The following ASIP variants were observed in gnomAD, a reference collection of about 807,000 sequenced individuals.
ASIP encodes agouti-signaling protein.
In ASIP, 11 loss-of-function variants were observed where a neutral mutation model predicts 10.3. That is an observed-to-expected ratio of 1.07 (90% CI 0.68 to 1.78). The LOEUF (loss-of-function observed/expected upper bound fraction) is 1.78, where lower values mean the gene tolerates loss of function less well. ASIP is among the 40% of genes most tolerant of loss of function. The pLI is 0.00. For missense variants in ASIP, 180 were observed against 169.2 expected (o/e 1.06, Z -0.35); for synonymous variants, 70 against 70.8 (o/e 0.99, Z 0.06).
chr20:34,225,679 G>C (rs780577965), intron 1 of ASIP, among the ~76,000 whole-genome samples: 23 of 151,960 alleles, frequency 1.5e-4, no homozygotes, highest in Non-Finnish European at 3.2e-4. Flanking sequence ...TTCTCTCTCC[G>C]CTGATTCATG....
intron 1 of ASIP, among the ~76,000 whole-genome samples, chr20:34,220,353 T>A (rs1363128053): frequency 6.6e-6 from 1 of 151,908 alleles, no homozygotes; most frequent in Non-Finnish European, 1.5e-5. Context: ...TCCCAACACT[T>A]TGGGAGGCTG....
chr20:34,210,045 T>G (rs2034963938), intron 1 of ASIP, among the ~76,000 whole-genome samples: 2 of 152,126 alleles, frequency 1.3e-5, no homozygotes, highest in Admixed American at 1.3e-4. Flanking sequence ...AGCTGCCCAC[T>G]CCAGGGCCTC....
chr20:34,207,254 G>A (rs1331920107), intron 1 of ASIP, among the ~76,000 whole-genome samples: 1 of 152,212 alleles, frequency 6.6e-6, no homozygotes, highest in African/African-American at 2.4e-5. Flanking sequence ...AACTGGAGAT[G>A]AGATGAAATC....
chr20:34,226,672 T>C (rs1013627291), intron 1 of ASIP, among the ~76,000 whole-genome samples: 1 of 152,092 alleles, frequency 6.6e-6, no homozygotes. Flanking sequence ...TAAAAAGTCT[T>C]AACAAACTAA....
intron 1 of ASIP, among the ~76,000 whole-genome samples, chr20:34,217,594 C>T (rs900580240): frequency 6.6e-5 from 10 of 151,956 alleles, no homozygotes; most frequent in Non-Finnish European, 7.4e-5. Flanking sequence ...CGGAGTCTCG[C>T]TTTGTTGCCC....
intron 1 of ASIP, among the ~76,000 whole-genome samples, chr20:34,205,136 A>G (rs1289938985): frequency 2.0e-5 from 3 of 152,230 alleles, no homozygotes; most frequent in Admixed American, 1.3e-4. Context: ...TGAGTGTTAC[A>G]GTTCTTAAAG....
At chr20:34,217,723 G>A (rs1035231062) in intron 1 of ASIP, among the ~76,000 whole-genome samples, 7 of 152,042 alleles carry the variant, frequency 4.6e-5, no homozygotes, top group Non-Finnish European at 7.4e-5. Context: ...CACCACGCCC[G>A]GCTAATTTTT....
chr20:34,254,958 C>T (rs1023219337), intron 1 of ASIP, among the ~76,000 whole-genome samples: 6 of 152,138 alleles, frequency 3.9e-5, no homozygotes, highest in Admixed American at 1.3e-4. Context: ...ACTGTTTTGC[C>T]GGGGGTTGGT....
chr20:34,264,938 GGT>G (rs2035759355), intron 3 of ASIP, among the ~76,000 whole-genome samples: 1 of 151,818 alleles, frequency 6.6e-6, no homozygotes, highest in African/African-American at 2.4e-5. Flanking sequence ...TAGGACTACG[GGT>G]GTGCACCACC....
At chr20:34,236,676 C>A (rs999309961), upstream of ASIP, among the ~76,000 whole-genome samples, 2 of 152,044 alleles carry the variant, frequency 1.3e-5, no homozygotes, top group East Asian at 1.9e-4. Context: ...GATGGCGAGA[C>A]CCCCATCTTA....
intron 1 of ASIP, among the ~76,000 whole-genome samples, chr20:34,253,428 C>A (rs1364029101): frequency 1.5e-5 from 2 of 136,364 alleles, no homozygotes; most frequent in Non-Finnish European, 3.0e-5. Context: ...CTTTTCCCTA[C>A]GCTCTTATTT....
At chr20:34,264,725 T>C (rs2035754482) in intron 3 of ASIP, among the ~76,000 whole-genome samples, 1 of 152,084 alleles carries the variant, frequency 6.6e-6, no homozygotes, top group South Asian at 2.1e-4. Context: ...CCTTATATTT[T>C]CTTATAATCG....
At chr20:34,215,470 A>G in intron 1 of ASIP, 1 of 1,528,092 alleles carries the variant, frequency 6.5e-7, no homozygotes, top group African/African-American at 1.4e-5. Context: ...TCGCAGGTAC[A>G]GATCTACTCC....
the ASIP span, among the ~76,000 whole-genome samples, chr20:34,188,271 G>C: frequency 6.6e-6 from 1 of 152,226 alleles, no homozygotes; most frequent in African/African-American, 2.4e-5. Flanking sequence ...TTTACTTGGG[G>C]AACTCATTAG....
At chr20:34,247,784 A>G (rs73253103) in intron 1 of ASIP, among the ~76,000 whole-genome samples, 1 of 152,020 alleles carries the variant, frequency 6.6e-6, no homozygotes, top group Non-Finnish European at 1.5e-5. Context: ...TTTTGTGGAG[A>G]TGAGGTCTTG....
chr20:34,250,042 G>A (rs1450926052), intron 1 of ASIP: 1 of 152,264 alleles, frequency 6.6e-6, no homozygotes. Context: ...TCCATGCTGG[G>A]GTCCAGCTGA....
chr20:34,251,168 C>T (rs909667598), intron 1 of ASIP, among the ~76,000 whole-genome samples: 1 of 152,054 alleles, frequency 6.6e-6, no homozygotes, highest in Non-Finnish European at 1.5e-5. Flanking sequence ...CTTTCCATGC[C>T]CTCTTTTCCA....
At chr20:34,252,763 T>G (rs1382037825) in intron 1 of ASIP, among the ~76,000 whole-genome samples, 2 of 151,966 alleles carry the variant, frequency 1.3e-5, no homozygotes, top group Non-Finnish European at 2.9e-5. Context: ...GCTGTCTCAG[T>G]GGGGGGAAAC....
chr20:34,262,519 C>T (rs78942219), intron 2 of ASIP, among the ~76,000 whole-genome samples: 1 of 152,320 alleles, frequency 6.6e-6, no homozygotes, highest in African/African-American at 2.4e-5. Context: ...CCTGGGGTGG[C>T]TCTGAGTGGC....
Sources: gnomAD v4.1 joint callset for allele counts (sites outside exome capture counted in the v4.1 genomes callset) on GRCh38, gnomAD v4.1.1 for gene constraint, MANE v1.5 for transcripts, NCBI Gene and HGNC (gene_info 2026-07-23, HGNC 2026-07-21) for gene names.